The following JAM3 variants were observed in gnomAD, a reference collection of about 807,000 sequenced individuals.
The protein encoded by JAM3 is junctional adhesion molecule C.
A neutral mutation model predicts 39.4 loss-of-function variants in JAM3; 31 were observed. The observed-to-expected ratio is 0.79, with a 90% CI of 0.59 to 1.06. The LOEUF (loss-of-function observed/expected upper bound fraction) is 1.06, where lower values mean the gene tolerates loss of function less well. Among genes scored for constraint, JAM3 ranks in the 50% least tolerant of loss-of-function variants. JAM3 has a pLI of 0.00. For missense variants in JAM3, 455 were observed against 391.4 expected (o/e 1.16, Z -1.37); for synonymous variants, 182 against 148.7 (o/e 1.22, Z -1.63).
rs767172958 is a variant in JAM3, at chr11:134,148,691, T to C, written c.842+15T>C. The C allele has an allele frequency of 1.2e-6, 2 of 1,614,054 alleles. No individual in the cohort carries two copies. The highest frequency in any genetic ancestry group is 1.3e-5 in the African/African-American group (1 of 75,000). On this transcript the variant is annotated intron_variant, in intron 7 of 8. Coordinates refer to ENST00000299106, the MANE Select transcript of JAM3 (RefSeq NM_032801.5). ...GATGGAGAAAGGTGAGCCTGCCTTA[T>C]GTGAAAAAAGGGAAGTTCAAGCTGG...
At chr11:134,096,199 G>A (rs1465739445) in intron 1 of JAM3, among the ~76,000 whole-genome samples, 3 of 152,060 alleles carry the variant, frequency 2.0e-5, no homozygotes, top group Non-Finnish European at 2.9e-5. Flanking sequence ...CTCTGGTCTC[G>A]AACTCCTGGC....
At chr11:134,084,239 A>C (rs1941711163) in intron 1 of JAM3, among the ~76,000 whole-genome samples, 3 of 152,194 alleles carry the variant, frequency 2.0e-5, no homozygotes, top group Non-Finnish European at 4.4e-5. Context: ...ATCCAGCTTC[A>C]TATACCTATC....
intron 1 of JAM3, among the ~76,000 whole-genome samples, chr11:134,128,857 G>A (rs143678420): frequency 2.0e-5 from 3 of 152,210 alleles, no homozygotes; most frequent in African/African-American, 7.2e-5. Context: ...TACATTTTTT[G>A]TATCTTTCTC....
intron 1 of JAM3, among the ~76,000 whole-genome samples, chr11:134,122,204 G>A (rs1942547104): frequency 6.6e-6 from 1 of 152,190 alleles, no homozygotes; most frequent in African/African-American, 2.4e-5. Flanking sequence ...TCATCAGTGT[G>A]AGACAAGGTC....
In JAM3 at chr11:134,144,927, C is replaced by T. The variant is rs760276161; in HGVS notation, c.545C>T (p.Thr182Met). The T allele has an allele frequency of 1.5e-5, 25 of 1,614,084 alleles. No homozygotes were observed. Among genetic ancestry groups the T allele is most frequent in the East Asian group, 2.2e-5 (1 of 44,890 alleles). The part of the protein sequence containing the change: ...SWYRNDVPLP[T>M]DSRANPRFRN... ...TATCGCAATGATGTACCACTGCCCA[C>T]GGATTCCAGAGCCAATCCCAGATTT... Residue 182 changes from threonine to methionine, a missense_variant, in exon 5 of 9, where the codon ACG becomes ATG. Coordinates refer to ENST00000299106, the MANE Select transcript of JAM3 (RefSeq NM_032801.5).
chr11:134,070,031 C>A, intron 1 of JAM3: 1 of 361,396 alleles, frequency 2.8e-6, no homozygotes. Flanking sequence ...ATTAGATCCA[C>A]ATTTTCCTGG....
At chr11:134,129,529 C>A (rs573716018) in intron 1 of JAM3, among the ~76,000 whole-genome samples, 1 of 152,096 alleles carries the variant, frequency 6.6e-6, no homozygotes, top group Non-Finnish European at 1.5e-5. Flanking sequence ...TTGAAACTTG[C>A]TATTCTCTGG....
intron 1 of JAM3, among the ~76,000 whole-genome samples, chr11:134,118,701 G>A (rs1476270851): frequency 6.6e-6 from 1 of 152,062 alleles, no homozygotes; most frequent in Admixed American, 6.5e-5. Flanking sequence ...TGGTTTGATG[G>A]TGAAAGTGTA....
intron 1 of JAM3, among the ~76,000 whole-genome samples, chr11:134,079,204 C>G (rs1316222383): frequency 6.6e-6 from 1 of 152,092 alleles, no homozygotes; most frequent in Non-Finnish European, 1.5e-5. Flanking sequence ...AACCCTACAA[C>G]TATAATCTCT....
At chr11:134,146,274 GA>G (rs1943069240) in intron 6 of JAM3, among the ~76,000 whole-genome samples, 1 of 152,162 alleles carries the variant, frequency 6.6e-6, no homozygotes, top group Non-Finnish European at 1.5e-5. Context: ...CTGGTGTTGG[GA>G]ACGTGGCCAG....
chr11:134,072,866 C>T lies in JAM3; in HGVS notation c.76+3707C>T, dbSNP rs190204427. 7.2e-5 allele frequency among the ~76,000 whole-genome samples: 11 copies of T among 152,132 alleles called. No individual in the cohort carries two copies. In the East Asian group the frequency reaches 1.7e-3, roughly 24 times the overall value. ...TGGAGGTTGCAGTGAGCTGAGATTGCGCCACTGCACTCTTGCCTGGGGTAC... is the reference window on the plus strand; with the variant it reads ...TGGAGGTTGCAGTGAGCTGAGATTGTGCCACTGCACTCTTGCCTGGGGTAC... On this transcript the variant is annotated intron_variant, in intron 1 of 8. Transcript: ENST00000299106.
At chr11:134,142,684 A>G (rs868114843) in intron 3 of JAM3, among the ~76,000 whole-genome samples, 2 of 152,110 alleles carry the variant, frequency 1.3e-5, no homozygotes, top group Non-Finnish European at 2.9e-5. Flanking sequence ...GGTTTTTAAT[A>G]TACTCACAGT....
intron 1 of JAM3, among the ~76,000 whole-genome samples, chr11:134,088,635 A>G (rs967521678): frequency 2.6e-4 from 39 of 152,240 alleles, no homozygotes; most frequent in Admixed American, 1.8e-3. Flanking sequence ...ACCTCTGAAC[A>G]TTAAATCACT....
At chr11:134,091,839 T>G (rs1443607516) in intron 1 of JAM3, among the ~76,000 whole-genome samples, 3 of 107,752 alleles carry the variant, frequency 2.8e-5, no homozygotes, top group African/African-American at 4.1e-5. Context: ...GGTGTGGGTT[T>G]TTTTTTTTTT....
At chr11:134,124,201 C>T (rs1942593679) in intron 1 of JAM3, 2 of 1,425,332 alleles carry the variant, frequency 1.4e-6, no homozygotes, top group Non-Finnish European at 2.0e-6. Flanking sequence ...CAAACTCGAA[C>T]CAAAGTCATC....
intron 1 of JAM3, among the ~76,000 whole-genome samples, chr11:134,120,941 CTT>C (rs1942519519): frequency 1.3e-5 from 2 of 152,208 alleles, no homozygotes; most frequent in African/African-American, 4.8e-5. Flanking sequence ...GCCAGTAACT[CTT>C]CAGAATAGTA....
intron 1 of JAM3, among the ~76,000 whole-genome samples, chr11:134,078,863 A>C (rs1423992246): frequency 6.6e-6 from 1 of 152,024 alleles, no homozygotes; most frequent in African/African-American, 2.4e-5. Context: ...ACATGGAGAA[A>C]CCCTGTCTCT....
At chr11:134,111,350 G>T (rs973382373) in intron 1 of JAM3, among the ~76,000 whole-genome samples, 35 of 151,742 alleles carry the variant, frequency 2.3e-4, no homozygotes, top group African/African-American at 7.3e-4. Context: ...CACCATGTTA[G>T]CCAGCATGGT....
At chr11:134,081,330 G>A (rs1009222502) in intron 1 of JAM3, among the ~76,000 whole-genome samples, 1 of 152,240 alleles carries the variant, frequency 6.6e-6, no homozygotes, top group East Asian at 1.9e-4. Context: ...GGGCATGTCA[G>A]AGGTCTTCAC....
Sources: allele counts gnomAD v4.1 joint callset (sites outside exome capture counted in the v4.1 genomes callset), GRCh38; gene constraint gnomAD v4.1.1; transcripts MANE v1.5; gene names NCBI Gene and HGNC (gene_info 2026-07-23, HGNC 2026-07-21).